Variants in PRKCE observed in about 807,000 individuals in gnomAD.
The protein encoded by PRKCE is protein kinase C epsilon type.
In PRKCE, 16 loss-of-function variants were observed where a neutral mutation model predicts 85.4. The observed-to-expected ratio is 0.19, with a 90% CI of 0.13 to 0.28. The LOEUF is 0.28. Among genes scored for constraint, PRKCE ranks in the 10% least tolerant of loss-of-function variants. The pLI, the probability that PRKCE is intolerant of heterozygous loss-of-function variation, is 1.00. For synonymous variants in PRKCE, 388 were observed against 371.5 expected (o/e 1.04, Z -0.51); for missense variants, 573 against 975.2 (o/e 0.59, Z 5.49).
intron 11 of PRKCE, among the ~76,000 whole-genome samples, chr2:46,132,486 A>G (rs1390278099): frequency 1.3e-5 from 2 of 152,296 alleles, no homozygotes; most frequent in Non-Finnish European, 2.9e-5. Context: ...TGTCCATCAC[A>G]TGGAGAAATG....
chr2:45,989,104 C>T lies in PRKCE; in HGVS notation c.823+4424C>T, dbSNP rs960424142. Among the ~76,000 whole-genome samples, 6 of 152,334 alleles carry T rather than the reference C, an allele frequency of 3.9e-5. 1 individual carries two copies. In the East Asian group the frequency reaches 5.8e-4, roughly 15 times the overall value. The stretch of plus-strand genomic sequence containing the variant: ...TTCACAGGAAAGCCAGACCTCCTGA[C>T]GGAGCCTGCAGTTGGGCCTGCGGGG... On this transcript the variant is annotated intron_variant, in intron 6 of 14. Transcript: ENST00000306156.
intron 1 of PRKCE, among the ~76,000 whole-genome samples, chr2:45,795,428 C>A (rs1305288867): frequency 6.6e-6 from 1 of 152,156 alleles, no homozygotes; most frequent in Admixed American, 6.5e-5. Flanking sequence ...CCTGCCTCAG[C>A]CTCCCGAGTA....
intron 1 of PRKCE, among the ~76,000 whole-genome samples, chr2:45,656,228 G>A (rs973481163): frequency 2.6e-4 from 39 of 152,204 alleles, no homozygotes; most frequent in African/African-American, 8.9e-4. Context: ...TTTGGAGCAT[G>A]TAGTTATAAC....
At chr2:45,782,324 C>A (rs953040471) in intron 1 of PRKCE, among the ~76,000 whole-genome samples, 1 of 152,128 alleles carries the variant, frequency 6.6e-6, no homozygotes, top group African/African-American at 2.4e-5. Flanking sequence ...AGTATGGTGT[C>A]ACAACACAAA....
chr2:46,125,239 G>C (rs1673732078), intron 11 of PRKCE, among the ~76,000 whole-genome samples: 1 of 152,178 alleles, frequency 6.6e-6, no homozygotes, highest in Non-Finnish European at 1.5e-5. Context: ...AGTCTGTAGA[G>C]CTCAGTAATA....
rs557133663 is a variant in PRKCE at position 45,876,283 on chromosome 2, C to A, written c.412+33220C>A. Among the ~76,000 whole-genome samples the A allele has an allele frequency of 5.0e-4, 76 of 152,300 alleles. 1 individual carries two copies. Among genetic ancestry groups the A allele is most frequent in the Admixed American group, 1.2e-3 (19 of 15,294 alleles). On this transcript the variant is annotated intron_variant, in intron 2 of 14. Coordinates refer to ENST00000306156, the MANE Select transcript of PRKCE (RefSeq NM_005400.3). ...CATCTGCAAACTATAAATCACAATT[C>A]TTTTATCAGAACACAAACCCTCTGT...
At chr2:45,903,915 G>GTTTT (rs57203202) in intron 2 of PRKCE, among the ~76,000 whole-genome samples, 6,819 of 93,600 alleles carry the variant, frequency 0.073, 473 homozygotes, top group East Asian at 0.33. Flanking sequence ...TTGTTTGTTT[G>GTTTT]TTTTTTTTGG....
intron 11 of PRKCE, among the ~76,000 whole-genome samples, chr2:46,090,530 T>A (rs1670066665): frequency 6.6e-6 from 1 of 152,170 alleles, no homozygotes; most frequent in Non-Finnish European, 1.5e-5. Flanking sequence ...TCAATAAATA[T>A]TTGTTCTTCT....
At chr2:45,701,267 AG>A (rs1288594292) in intron 1 of PRKCE, 1 of 152,180 alleles carries the variant, frequency 6.6e-6, no homozygotes, top group Non-Finnish European at 1.5e-5. Context: ...GTGATGGGGT[AG>A]GGTTTGTTTT....
In PRKCE at chr2:46,184,075, T is replaced by G. The variant is rs1680255528; in HGVS notation, c.2068-660T>G. 6.6e-6 allele frequency among the ~76,000 whole-genome samples: 1 copy of G among 152,186 alleles called. No individual in the cohort carries two copies. ...CTTATTTCATTCAGTAGACACTTAT[T>G]GCTGGGGAACTGCTGGGAACTCAAA... is the stretch of plus-strand genomic sequence containing the variant. On this transcript the variant is annotated intron_variant, in intron 14 of 14. Transcript: ENST00000306156. This position sits in a 1 kb window ranked among gnomAD's most constrained non-coding sequence, Gnocchi z 5.0.
intron 1 of PRKCE, among the ~76,000 whole-genome samples, chr2:45,751,424 A>G (rs35648680): frequency 0.65 from 98,076 of 152,046 alleles, 32,524 homozygotes; most frequent in African/African-American, 0.8. Context: ...AATTCCTTGA[A>G]AACAGGGCCG....
At position 45,706,282 on chromosome 2, in the gene PRKCE, C is replaced by G. The variant is rs902630898; in HGVS notation, c.348+53834C>G. The stretch of plus-strand genomic sequence containing the variant: ...TGAAATGAAATATTACACAGGATTG[C>G]CTTAGACACTCAATGGAAAACTTTT... On this transcript the variant is annotated intron_variant, in intron 1 of 14. Coordinates refer to ENST00000306156, the MANE Select transcript of PRKCE (RefSeq NM_005400.3). Among the ~76,000 whole-genome samples, 9 of 152,252 alleles carry G rather than the reference C, an allele frequency of 5.9e-5. No homozygotes were observed. In the South Asian group the frequency reaches 1.7e-3, roughly 28 times the overall value.
At chr2:45,800,968 A>G (rs10164633) in intron 1 of PRKCE, among the ~76,000 whole-genome samples, 42,985 of 152,094 alleles carry the variant, frequency 0.28, 6,484 homozygotes, top group African/African-American at 0.37. Context: ...AGAGAAATGC[A>G]GCAGTTGCCT....
chr2:46,081,139 G>A (rs1471816790), intron 10 of PRKCE, among the ~76,000 whole-genome samples: 2 of 152,104 alleles, frequency 1.3e-5, no homozygotes, highest in Non-Finnish European at 2.9e-5. Context: ...CTACAGGCGT[G>A]CACCACGATG....
intron 4 of PRKCE, 151 bp downstream of exon 4, chr2:45,979,161 C>A (rs887710069): frequency 3.8e-6 from 3 of 784,624 alleles, no homozygotes; most frequent in Non-Finnish European, 6.2e-6. Context: ...ATTACTTCTG[C>A]ATATATGGGA....
chr2:45,877,179 T>C (rs1669036283), intron 2 of PRKCE, among the ~76,000 whole-genome samples: 1 of 152,208 alleles, frequency 6.6e-6, no homozygotes, highest in Non-Finnish European at 1.5e-5. Context: ...CTGTCTAGTA[T>C]GGTTGCTGTT....
At chr2:45,843,107 C>T (rs1323519505) in intron 2 of PRKCE, 44 bp downstream of exon 2, 1 of 1,562,468 alleles carries the variant, frequency 6.4e-7, no homozygotes. Flanking sequence ...TCCATTGGCC[C>T]TTTGCCTTCT....
chr2:46,154,004 C>T (rs1008955637), intron 13 of PRKCE, among the ~76,000 whole-genome samples: 1 of 152,046 alleles, frequency 6.6e-6, no homozygotes, highest in Non-Finnish European at 1.5e-5. Flanking sequence ...CCAGGATGGT[C>T]TCCATCTCCT....
At chr2:46,048,505 C>G (rs140335199) in intron 10 of PRKCE, among the ~76,000 whole-genome samples, 1 of 152,360 alleles carries the variant, frequency 6.6e-6, no homozygotes, top group Non-Finnish European at 1.5e-5. Flanking sequence ...GTGCCTCCTA[C>G]CGAGCAGATG....
Sources: allele counts gnomAD v4.1 joint callset (sites outside exome capture counted in the v4.1 genomes callset), GRCh38; gene constraint gnomAD v4.1.1; non-coding constraint Gnocchi (gnomAD v3.1); transcripts MANE v1.5; gene names NCBI Gene and HGNC (gene_info 2026-07-23, HGNC 2026-07-21).